TSHZ3: variants seen among roughly 807,000 people sequenced by gnomAD.
TSHZ3 encodes the protein teashirt homolog 3.
TSHZ3 carries 10 observed loss-of-function variants against 64.5 expected under a neutral mutation model. The ratio of observed to expected loss-of-function variants is 0.16; its 90% CI spans 0.10 to 0.26. The LOEUF (loss-of-function observed/expected upper bound fraction) is 0.26, where lower values mean the gene tolerates loss of function less well. Ranked by LOEUF, TSHZ3 falls within the 10% of genes least tolerant of loss-of-function variation. The pLI is 1.00. For synonymous variants in TSHZ3, 608 were observed against 593.1 expected (o/e 1.03, Z -0.36); for missense variants, 1,242 against 1,421.7 (o/e 0.87, Z 2.03).
intron 1 of TSHZ3, among the ~76,000 whole-genome samples, chr19:31,248,945 G>A (rs1975796007): frequency 6.6e-6 from 1 of 151,960 alleles, no homozygotes; most frequent in Non-Finnish European, 1.5e-5. Flanking sequence ...AAGGATGCTG[G>A]GGTGATGGAG....
At chr19:31,272,956 T>C (rs1161536150), downstream of TSHZ3, among the ~76,000 whole-genome samples, 2 of 152,098 alleles carry the variant, frequency 1.3e-5, no homozygotes, top group African/African-American at 4.8e-5. Context: ...CCTTCCTCCA[T>C]TCACTCTCTC....
chr19:31,349,613 C>G (rs181953129), upstream of TSHZ3: 276 of 168,044 alleles, frequency 1.6e-3, 2 homozygotes, highest in South Asian at 0.016. Context: ...CTGCCCCCCC[C>G]CGCCCCGTCC....
intron 1 of TSHZ3, among the ~76,000 whole-genome samples, chr19:31,281,300 C>G (rs559192340): frequency 1.3e-5 from 2 of 152,270 alleles, no homozygotes; most frequent in East Asian, 3.9e-4. Context: ...AGGCCCCCCT[C>G]ATTCCTTCCA....
At chr19:31,217,456 G>C (rs938494165) in intron 4 of TSHZ3, among the ~76,000 whole-genome samples, 1 of 152,072 alleles carries the variant, frequency 6.6e-6, no homozygotes, top group Non-Finnish European at 1.5e-5. Flanking sequence ...AAGGGAGGTC[G>C]TAATCTAATT....
intron 4 of TSHZ3, among the ~76,000 whole-genome samples, chr19:31,222,952 C>G (rs1255941610): frequency 6.6e-6 from 1 of 152,196 alleles, no homozygotes. Flanking sequence ...CCGCTGCCTG[C>G]CCAACCTTTG....
chr19:31,314,454 C>G (rs1273057561), intron 1 of TSHZ3, among the ~76,000 whole-genome samples: 1 of 152,236 alleles, frequency 6.6e-6, no homozygotes, highest in African/African-American at 2.4e-5. Context: ...TCCCAGCTAT[C>G]TGGCTGCTCA....
chr19:31,257,609 T>A (rs1274594707), intron 1 of TSHZ3, among the ~76,000 whole-genome samples: 1 of 152,164 alleles, frequency 6.6e-6, no homozygotes, highest in East Asian at 1.9e-4. Flanking sequence ...TTGGTCAGGC[T>A]GGCCCCAGGA....
Position 31,349,305 on chromosome 19 carries a change from G to A in TSHZ3, c.-86C>T. 1 of 1,355,236 alleles carries A rather than the reference G, an allele frequency of 7.4e-7. No individual in the cohort carries two copies. The allele number at this position is 1,355,236 out of a possible 1,614,324, so 84.0% of individuals were successfully genotyped here. A position where few individuals can be genotyped will look rare whatever the true frequency, so the allele number is the denominator to read the frequency against. On this transcript the variant is annotated 5_prime_UTR_variant, in exon 1 of 2. Transcript: ENST00000240587. The stretch of plus-strand genomic sequence containing the variant: ...AGGGAGGGGGCGGCGGGCCCGCGGG[G>A]GGGCGAGGCGGGCCTGCTCTCAGCC...
At chr19:31,222,127 C>T (rs1377651947) in intron 4 of TSHZ3, among the ~76,000 whole-genome samples, 1 of 152,130 alleles carries the variant, frequency 6.6e-6, no homozygotes, top group Non-Finnish European at 1.5e-5. Context: ...TAGAGATTTC[C>T]CATGAATTTT....
At chr19:31,180,380 T>G (rs1243328412) in intron 5 of TSHZ3, among the ~76,000 whole-genome samples, 1 of 152,196 alleles carries the variant, frequency 6.6e-6, no homozygotes, top group Non-Finnish European at 1.5e-5. Context: ...TCCAACACAG[T>G]GGCACCGTGA....
At chr19:31,252,529 C>G (rs1161486194) in intron 1 of TSHZ3, among the ~76,000 whole-genome samples, 1 of 152,162 alleles carries the variant, frequency 6.6e-6, no homozygotes, top group Non-Finnish European at 1.5e-5. Context: ...GTAACTGGAT[C>G]CTGAGGTCAG....
chr19:31,227,056 G>A (rs199982160), intron 4 of TSHZ3, among the ~76,000 whole-genome samples: 3 of 128,560 alleles, frequency 2.3e-5, no homozygotes, highest in East Asian at 4.8e-4. Context: ...TCGGCTTACT[G>A]CAACCTCAGC....
upstream of TSHZ3, among the ~76,000 whole-genome samples, chr19:31,350,722 G>A (rs986501778): frequency 1.3e-5 from 2 of 150,870 alleles, no homozygotes; most frequent in Non-Finnish European, 3.0e-5. Context: ...TCACTTACGG[G>A]CGGCGGTGAG....
intron 5 of TSHZ3, among the ~76,000 whole-genome samples, chr19:31,197,839 A>G (rs1321805500): frequency 6.6e-6 from 1 of 152,054 alleles, no homozygotes; most frequent in Non-Finnish European, 1.5e-5. Flanking sequence ...CCAGCTCTAG[A>G]TGGCTTTACT....
chr19:31,337,348 C>T (rs998386340), intron 1 of TSHZ3, among the ~76,000 whole-genome samples: 6 of 152,184 alleles, frequency 3.9e-5, no homozygotes, highest in African/African-American at 1.4e-4. Flanking sequence ...CACTCAGTTC[C>T]TTACCAATTA....
intron 5 of TSHZ3, among the ~76,000 whole-genome samples, chr19:31,164,825 G>GTTAAT (rs759788071): frequency 1.3e-5 from 2 of 152,204 alleles, no homozygotes; most frequent in Non-Finnish European, 2.9e-5. Flanking sequence ...TCTGCAACAG[G>GTTAAT]ACATCAAATG....
intron 1 of TSHZ3, among the ~76,000 whole-genome samples, chr19:31,318,487 T>C (rs1347430293): frequency 6.6e-6 from 1 of 152,222 alleles, no homozygotes; most frequent in Non-Finnish European, 1.5e-5. Flanking sequence ...TATAATTCTA[T>C]TCATAAAAAA....
chr19:31,327,350 A>G (rs1275913538), intron 1 of TSHZ3, among the ~76,000 whole-genome samples: 2 of 152,196 alleles, frequency 1.3e-5, no homozygotes, highest in Non-Finnish European at 2.9e-5. Flanking sequence ...CATGTGAGAG[A>G]TAGTAAAATA....
chr19:31,183,976 C>T (rs965220440), intron 5 of TSHZ3, among the ~76,000 whole-genome samples: 10 of 152,250 alleles, frequency 6.6e-5, no homozygotes, highest in South Asian at 6.2e-4. Context: ...TTCCTTAACC[C>T]TATTGATAAT....
Sources: gnomAD v4.1 joint callset for allele counts (sites outside exome capture counted in the v4.1 genomes callset) on GRCh38, gnomAD v4.1.1 for gene constraint, MANE v1.5 for transcripts, NCBI Gene and HGNC (gene_info 2026-07-23, HGNC 2026-07-21) for gene names.